CD2: variants seen among roughly 807,000 people sequenced by gnomAD.
CD2 encodes the protein CD2 molecule, also known as T-cell surface antigen CD2.
Under a neutral mutation model 23.2 loss-of-function variants are expected in CD2, and 18 were observed. The observed-to-expected ratio is 0.77, with a 90% confidence interval of 0.54 to 1.15. The LOEUF (loss-of-function observed/expected upper bound fraction) is 1.15. Ranked by LOEUF, CD2 falls within the 50% of genes most tolerant of loss-of-function variation. CD2 has a pLI of 0.00. For missense variants in CD2, 424 were observed against 423.1 expected (o/e 1.00, Z -0.02); for synonymous variants, 162 against 151.9 (o/e 1.07, Z -0.49).
chr1:116,764,882 T>C (rs1557919096), intron 4 of CD2, among the ~76,000 whole-genome samples: 1 of 152,188 alleles, frequency 6.6e-6, no homozygotes, highest in Non-Finnish European at 1.5e-5. Context: ...GACAGGCTAA[T>C]GTGAACATCT....
intron 4 of CD2, among the ~76,000 whole-genome samples, chr1:116,766,822 A>G (rs1317692316): frequency 1.3e-5 from 2 of 152,106 alleles, no homozygotes; most frequent in African/African-American, 4.8e-5. Context: ...ACGATCACAC[A>G]CTGCACTCCA....
At chr1:116,755,468 T>A (rs1557914909) in intron 2 of CD2, among the ~76,000 whole-genome samples, 1 of 152,192 alleles carries the variant, frequency 6.6e-6, no homozygotes, top group Non-Finnish European at 1.5e-5. Context: ...GTCAGAGTGA[T>A]ACAAGGTGGC....
intron 2 of CD2, among the ~76,000 whole-genome samples, chr1:116,757,773 A>G (rs1024100030): frequency 6.6e-6 from 1 of 151,584 alleles, no homozygotes; most frequent in Non-Finnish European, 1.5e-5. Context: ...AGAGAGAGAG[A>G]GAGGCAGACA....
chr1:116,754,460 G>C lies in CD2; in HGVS notation c.-33G>C. The C allele has an allele frequency of 6.3e-7, 1 of 1,597,698 alleles. No individual in the cohort carries two copies. On this transcript the variant is annotated 5_prime_UTR_variant, in exon 1 of 5. Transcript: ENST00000369478. ...CACTTCAGTTCCTTTTGCATGAAGA[G>C]CTCAGAATCAAAAGAGGAAACCAAC...
At chr1:116,765,872 G>A (rs1043381118) in intron 4 of CD2, among the ~76,000 whole-genome samples, 3 of 152,252 alleles carry the variant, frequency 2.0e-5, no homozygotes, top group African/African-American at 4.8e-5. Context: ...TAAAAAAGTC[G>A]TTAGTCTCTG....
At position 116,768,596 on chromosome 1, in the gene CD2, C is replaced by A. The variant is rs1294029208; in HGVS notation, c.869C>A (p.Ser290Tyr). 9 of 1,613,980 alleles carry A rather than the reference C, an allele frequency of 5.6e-6. No individual in the cohort carries two copies. Among genetic ancestry groups the A allele is most frequent in the Non-Finnish European group, 6.8e-6 (8 of 1,180,036 alleles). Reference protein sequence around the residue: ...QHPPPPPGHRSQAPSHRPPPP... With the variant: ...QHPPPPPGHRYQAPSHRPPPP... ...CCTCCTCCACCACCTGGTCATCGTT[C>A]CCAGGCACCTAGTCATCGTCCCCCG... is the stretch of plus-strand genomic sequence containing the variant. Residue 290 changes from serine (S) to tyrosine (Y), a missense_variant, in exon 5 of 5, where the codon TCC (serine) becomes TAC (tyrosine). Physicochemically the swap from Ser to Tyr is moderately radical, Grantham distance 144. Coordinates refer to ENST00000369478, the MANE Select transcript of CD2 (RefSeq NM_001767.5).
At chr1:116,763,499 C>T (rs1652119044) in intron 3 of CD2, among the ~76,000 whole-genome samples, 1 of 152,228 alleles carries the variant, frequency 6.6e-6, no homozygotes. Flanking sequence ...TAGAACCCCT[C>T]CTGTTTCCCC....
chr1:116,764,497 C>T lies in CD2; in HGVS notation c.627C>T (p.Asp209=), dbSNP rs2101167866. The change falls in exon 4 of 5, where the codon GAC becomes GAT. Residue 209 remains aspartate, a synonymous_variant. Coordinates refer to ENST00000369478, the MANE Select transcript of CD2 (RefSeq NM_001767.5). ...TTCCTTTTGCAGAGAAAGGTCTGGACATCTATCTCATCATTGGCATATGTG... is the reference window on the plus strand; with the variant it reads ...TTCCTTTTGCAGAGAAAGGTCTGGATATCTATCTCATCATTGGCATATGTG... ...EPVSCPEKGL[D]IYLIIGICGG... 6.2e-7 allele frequency: 1 copy of T among 1,614,026 alleles called. No homozygotes were observed. Among genetic ancestry groups the T allele is most frequent in the Middle Eastern group, 1.6e-4 (1 of 6,062 alleles).
At position 116,764,018 on chromosome 1, in the gene CD2, C is replaced by T. The variant is rs556186154; in HGVS notation, c.614-466C>T. On this transcript the variant is annotated intron_variant, in intron 3 of 4. Transcript: ENST00000369478. The stretch of plus-strand genomic sequence containing the variant: ...ATGGTGCAGTGGGGGTAGCCAGAGA[C>T]GAGAGCAGGATCAACAGTGCAGAAA... Among the ~76,000 whole-genome samples, 23 of 151,964 alleles carry T rather than the reference C, an allele frequency of 1.5e-4. No individual in the cohort carries two copies. The East Asian group carries it at 3.1e-3, about 20-fold the overall frequency.
chr1:116,760,417 C>T lies in CD2; in HGVS notation c.398C>T (p.Pro133Leu). Residue 133 changes from proline (P) to leucine (L), a missense_variant, in exon 3 of 5, where the codon CCA becomes CTA. By Grantham distance (98) the Pro-to-Leu change is moderately conservative. Transcript: ENST00000369478. ...TTCTTTTTAGAGAGGGTCTCAAAACCAAAGATCTCCTGGACTTGTATCAAC... is the reference window on the plus strand; with the variant it reads ...TTCTTTTTAGAGAGGGTCTCAAAACTAAAGATCTCCTGGACTTGTATCAAC... Reference protein sequence around the residue: ...DLKIQERVSKPKISWTCINTT... With the variant: ...DLKIQERVSKLKISWTCINTT... 1 of 1,613,804 alleles carries T rather than the reference C, an allele frequency of 6.2e-7. No homozygotes were observed. The highest frequency in any genetic ancestry group is 8.5e-7 in the Non-Finnish European group (1 of 1,179,866).
chr1:116,754,892 C>A lies in CD2; in HGVS notation c.323C>A (p.Ser108Ter). The A allele has an allele frequency of 6.2e-7, 1 of 1,608,886 alleles. No homozygotes were observed. The highest frequency in any genetic ancestry group is 1.1e-5 in the South Asian group (1 of 89,502). The part of the protein sequence containing the change: ...KTDDQDIYKV[S>*]IYDTKGKNVL... ...GATGATCAGGATATCTACAAGGTAT[C>A]AATATATGATACAAAAGGAAAAAAT... is the stretch of plus-strand genomic sequence containing the variant. Residue 108 changes from serine to a stop codon, truncating the protein, a stop_gained, in exon 2 of 5, where the codon TCA becomes TAA. Coordinates refer to ENST00000369478, the MANE Select transcript of CD2 (RefSeq NM_001767.5). LOFTEE classifies it high-confidence loss of function.
At chr1:116,766,098 G>A (rs1204604383) in intron 4 of CD2, among the ~76,000 whole-genome samples, 12 of 152,242 alleles carry the variant, frequency 7.9e-5, no homozygotes. Flanking sequence ...GAAAGTTGGT[G>A]TGTCTTTAAA....
chr1:116,766,991 G>T (rs116669150), intron 4 of CD2, among the ~76,000 whole-genome samples: 6 of 152,210 alleles, frequency 3.9e-5, no homozygotes, highest in African/African-American at 1.4e-4. Context: ...ACTAGGGCCA[G>T]GGGTTAGAGC....
In CD2 at chr1:116,755,740, G is replaced by A. The variant is rs1324401082; in HGVS notation, c.382+789G>A. Among the ~76,000 whole-genome samples, 4 of 152,148 alleles carry A rather than the reference G, an allele frequency of 2.6e-5. No homozygotes were observed. In the East Asian group the frequency reaches 7.7e-4, roughly 29 times the overall value. ...TCGCCACTGGCCTAGACCAAAGGGT[G>A]CCTCTAAAATAGGAAGAATGAGGAT... On this transcript the variant is annotated intron_variant, in intron 2 of 4. Transcript: ENST00000369478.
chr1:116,764,617 C>G lies in CD2; in HGVS notation c.736+11C>G. On this transcript the variant is annotated intron_variant, in intron 4 of 4. Coordinates refer to ENST00000369478, the MANE Select transcript of CD2 (RefSeq NM_001767.5). ...GGAGTCGGAGAAATGGTAAGCTCCC[C>G]CTCTTTTGTCCCACCGCAGGCCCCA... 6.2e-7 allele frequency: 1 copy of G among 1,610,324 alleles called. No individual in the cohort carries two copies. Among genetic ancestry groups the G allele is most frequent in the Non-Finnish European group, 8.5e-7 (1 of 1,176,772 alleles).
At position 116,754,812 on chromosome 1, in the gene CD2, AG is replaced by A; in HGVS notation, c.244del (p.Asp82IlefsTer11). On this transcript the variant is annotated frameshift_variant, in exon 2 of 5. Coordinates refer to ENST00000369478, the MANE Select transcript of CD2 (RefSeq NM_001767.5). LOFTEE classifies it high-confidence loss of function. The stretch of plus-strand genomic sequence containing the variant: ...AAGAGAAAGAGACTTTCAAGGAAAA[AG>A]ATACATATAAGCTATTTAAAAATGG... ...RKEKETFKEKDTYKLFKNGTL... is the reference protein window; with the variant it reads ...RKEKETFKEKXTYKLFKNGTL... The A allele has an allele frequency of 1.2e-6, 2 of 1,612,964 alleles. No homozygotes were observed. Among genetic ancestry groups the A allele is most frequent in the Admixed American group, 1.7e-5 (1 of 59,890 alleles).
chr1:116,763,274 G>A (rs1249070766), intron 3 of CD2, among the ~76,000 whole-genome samples: 1 of 152,230 alleles, frequency 6.6e-6, no homozygotes, highest in Non-Finnish European at 1.5e-5. Flanking sequence ...TTGATGATCT[G>A]TTAAACTTGG....
intron 4 of CD2, among the ~76,000 whole-genome samples, chr1:116,766,086 C>T (rs1325746840): frequency 2.6e-5 from 4 of 152,220 alleles, no homozygotes; most frequent in African/African-American, 9.6e-5. Flanking sequence ...CTTGCACAAC[C>T]TGAAAGTTGG....
At position 116,754,798 on chromosome 1, in the gene CD2, A is replaced by T. The variant is rs771384035; in HGVS notation, c.229A>T (p.Thr77Ser). 6.8e-6 allele frequency: 11 copies of T among 1,613,216 alleles called. No individual in the cohort carries two copies. The South Asian group carries it at 9.9e-5, about 15-fold the overall frequency. Residue 77 changes from threonine to serine, a missense_variant, in exon 2 of 5, where the codon ACT becomes TCT. Coordinates refer to ENST00000369478, the MANE Select transcript of CD2 (RefSeq NM_001767.5). ...TGCACAATTCAGAAAAGAGAAAGAG[A>T]CTTTCAAGGAAAAAGATACATATAA... ...KIAQFRKEKETFKEKDTYKLF... is the reference protein window; with the variant it reads ...KIAQFRKEKESFKEKDTYKLF...
Sources: allele counts gnomAD v4.1 joint callset (sites outside exome capture counted in the v4.1 genomes callset), GRCh38; gene constraint gnomAD v4.1.1; transcripts MANE v1.5; gene names NCBI Gene and HGNC (gene_info 2026-07-23, HGNC 2026-07-21).